SLC12A8: variants seen among roughly 807,000 people sequenced by gnomAD.
SLC12A8 encodes the protein solute carrier family 12 member 8, also known as cation-chloride cotransporter 9.
A neutral mutation model predicts 75.6 loss-of-function variants in SLC12A8; 69 were observed. The ratio of observed to expected loss-of-function variants is 0.91; its 90% CI spans 0.75 to 1.11. The LOEUF is 1.11. Among genes scored for constraint, SLC12A8 ranks in the 50% most tolerant of loss-of-function variants. SLC12A8 has a pLI of 0.00. For missense variants in SLC12A8, 877 were observed against 896.7 expected (o/e 0.98, Z 0.28); for synonymous variants, 365 against 372.8 (o/e 0.98, Z 0.24).
At chr3:125,152,027 C>T (rs1222919014) in intron 5 of SLC12A8, among the ~76,000 whole-genome samples, 1 of 152,142 alleles carries the variant, frequency 6.6e-6, no homozygotes, top group Non-Finnish European at 1.5e-5. Context: ...GTGGCAGAGC[C>T]AGGACTAAAA....
chr3:125,200,223 C>T (rs1297752234), intron 2 of SLC12A8, among the ~76,000 whole-genome samples: 3 of 151,938 alleles, frequency 2.0e-5, no homozygotes, highest in Non-Finnish European at 4.4e-5. Context: ...CCCAGGCAGG[C>T]GGATCGCTTG....
intron 8 of SLC12A8, among the ~76,000 whole-genome samples, chr3:125,111,950 C>T (rs1939198348): frequency 6.6e-6 from 1 of 152,356 alleles, no homozygotes; most frequent in East Asian, 1.9e-4. Context: ...ATGCTGCCAA[C>T]ACCCCTGCTG....
Position 125,107,924 on chromosome 3 carries a change from C to T in SLC12A8, c.1262G>A (p.Arg421Lys). Residue 421 changes from arginine (R) to lysine (K), a missense_variant, in exon 10 of 14, where the codon AGG becomes AAG. Physicochemically the swap from Arg to Lys is conservative, Grantham distance 26. Transcript: ENST00000469902. ...SLTPVPEPVL[R>K]EGAEGLHCSE... is the part of the protein sequence containing the mutation. ...GCAGTGGAGGCCTTCTGCGCCCTCC[C>T]TGAGCACCGGCTCAGGCACCGGGGT... 1.2e-6 allele frequency: 2 copies of T among 1,614,186 alleles called. No homozygotes were observed. Among genetic ancestry groups the T allele is most frequent in the Non-Finnish European group, 1.7e-6 (2 of 1,180,028 alleles).
intron 5 of SLC12A8, among the ~76,000 whole-genome samples, chr3:125,137,605 G>GCAGGA (rs1443499831): frequency 1.3e-5 from 2 of 152,166 alleles, no homozygotes; most frequent in East Asian, 3.9e-4. Context: ...GGCCCGCCTC[G>GCAGGA]CAGGACAGAA....
At chr3:125,114,331 G>C (rs1342754080) in intron 8 of SLC12A8, among the ~76,000 whole-genome samples, 1 of 152,164 alleles carries the variant, frequency 6.6e-6, no homozygotes, top group Non-Finnish European at 1.5e-5. Context: ...TGTACAGCTT[G>C]TGTCATGAGC....
intron 6 of SLC12A8, among the ~76,000 whole-genome samples, chr3:125,132,292 C>A (rs1933378819): frequency 6.6e-6 from 1 of 152,166 alleles, no homozygotes; most frequent in African/African-American, 2.4e-5. Context: ...CTATTTCTGG[C>A]AAATCTGGAT....
At chr3:125,166,868 G>A (rs1272196407) in intron 5 of SLC12A8, among the ~76,000 whole-genome samples, 3 of 152,146 alleles carry the variant, frequency 2.0e-5, no homozygotes, top group Non-Finnish European at 2.9e-5. Flanking sequence ...ATTTTCAAAC[G>A]CTGAACAATA....
At chr3:125,097,528 TTGTGTGTGTGTGTGTGTGTGTGTGTG>T (rs147038912) in intron 10 of SLC12A8, among the ~76,000 whole-genome samples, 4 of 139,392 alleles carry the variant, frequency 2.9e-5, no homozygotes, top group Non-Finnish European at 6.1e-5. Context: ...CTAAAGGGAA[TTGTGTGTGTGTGTGTGTGTGTGTGTG>T]TGTGTGTGTG....
intron 10 of SLC12A8, among the ~76,000 whole-genome samples, chr3:125,096,973 T>C (rs1938728730): frequency 6.6e-6 from 1 of 152,228 alleles, no homozygotes; most frequent in Non-Finnish European, 1.5e-5. Flanking sequence ...TTAAATTGTA[T>C]AGTTTTAACA....
At chr3:125,111,233 C>T (rs545045568) in intron 8 of SLC12A8, among the ~76,000 whole-genome samples, 12 of 152,218 alleles carry the variant, frequency 7.9e-5, no homozygotes, top group South Asian at 2.1e-4. Flanking sequence ...ATATAAATGA[C>T]GAATGAATGA....
intron 8 of SLC12A8, among the ~76,000 whole-genome samples, chr3:125,115,043 T>C (rs1939276050): frequency 6.6e-6 from 1 of 152,056 alleles, no homozygotes; most frequent in Admixed American, 6.6e-5. Flanking sequence ...GGTATGCCCA[T>C]AAGGAGTGTG....
intron 2 of SLC12A8, among the ~76,000 whole-genome samples, chr3:125,203,088 C>CAAAAAAAAAAA (rs758212012): frequency 1.1e-5 from 1 of 88,440 alleles, no homozygotes; most frequent in African/African-American, 4.8e-5. Flanking sequence ...GACTTCATCT[C>CAAAAAAAAAAA]AAAAAAAAAA....
chr3:125,198,777 AG>A (rs1370455865), intron 2 of SLC12A8, among the ~76,000 whole-genome samples: 2 of 125,674 alleles, frequency 1.6e-5, no homozygotes, highest in African/African-American at 5.8e-5. Flanking sequence ...ATTAGACAAT[AG>A]GATTTTTTTT....
intron 6 of SLC12A8, among the ~76,000 whole-genome samples, chr3:125,127,646 T>C (rs1335927516): frequency 1.3e-5 from 2 of 152,336 alleles, no homozygotes; most frequent in East Asian, 1.9e-4. Flanking sequence ...CTTCAACCAC[T>C]TCATGGCAGC....
At chr3:125,109,241 C>T (rs577884813) in intron 9 of SLC12A8, among the ~76,000 whole-genome samples, 3 of 152,212 alleles carry the variant, frequency 2.0e-5, no homozygotes, top group Non-Finnish European at 4.4e-5. Context: ...TGTACTCCCT[C>T]CCTTGGTGAG....
intron 2 of SLC12A8, among the ~76,000 whole-genome samples, chr3:125,208,791 CAGAG>C (rs1287670719): frequency 2.1e-3 from 176 of 84,196 alleles, no homozygotes; most frequent in East Asian, 0.014. Flanking sequence ...CACACACACA[CAGAG>C]AGAGAGAGAG....
chr3:125,143,857 C>A, intron 5 of SLC12A8, among the ~76,000 whole-genome samples: 1 of 152,306 alleles, frequency 6.6e-6, no homozygotes, highest in South Asian at 2.1e-4. Flanking sequence ...AAGAGCAGCT[C>A]CTGCCATGCC....
Position 125,092,173 on chromosome 3 carries a change from T to A in SLC12A8, c.1731A>T (p.Gln577His). Residue 577 changes from glutamine to histidine, a missense_variant, in exon 11 of 14, where the codon CAA becomes CAT. Coordinates refer to ENST00000469902, the MANE Select transcript of SLC12A8 (RefSeq NM_024628.6). ...GEDFFLKSRLQEQDVWRRSTS... is the reference protein window; with the variant it reads ...GEDFFLKSRLHEQDVWRRSTS... ...TGGATCTTCTCCAGACATCTTGTTCTTGGAGCCTGGACTTCAGGAAGAAAT... is the reference window on the plus strand; with the variant it reads ...TGGATCTTCTCCAGACATCTTGTTCATGGAGCCTGGACTTCAGGAAGAAAT... 6.2e-7 allele frequency: 1 copy of A among 1,612,888 alleles called. No individual in the cohort carries two copies. Among genetic ancestry groups the A allele is most frequent in the African/African-American group, 1.3e-5 (1 of 75,012 alleles).
Position 125,190,398 on chromosome 3 carries a change from A to C in SLC12A8, c.175T>G (p.Phe59Val), listed in dbSNP as rs988209300. 1.7e-5 allele frequency: 28 copies of C among 1,614,098 alleles called. No individual in the cohort carries two copies. The East Asian group carries it at 2.9e-4, about 17-fold the overall frequency. ...ACCACCAGCCAGCCAGTCCTCAGGA[A>C]GAGCACAACCCCAAAGATGTTGATC... is the stretch of plus-strand genomic sequence containing the variant. Reference protein sequence around the residue: ...CMINIFGVVLFLRTGWLVGNT... With the variant: ...CMINIFGVVLVLRTGWLVGNT... The change falls in exon 3 of 14, where the codon TTC becomes GTC. Residue 59 changes from phenylalanine (F) to valine (V), a missense_variant. Physicochemically the swap from Phe to Val is conservative, Grantham distance 50 (BLOSUM62 -1). Coordinates refer to ENST00000469902, the MANE Select transcript of SLC12A8 (RefSeq NM_024628.6).
Sources: gnomAD v4.1 joint callset for allele counts (sites outside exome capture counted in the v4.1 genomes callset) on GRCh38, gnomAD v4.1.1 for gene constraint, MANE v1.5 for transcripts, NCBI Gene and HGNC (gene_info 2026-07-23, HGNC 2026-07-21) for gene names.